The following ANKRD13A variants were observed in gnomAD, a reference collection of about 807,000 sequenced individuals.
ANKRD13A encodes the protein ankyrin repeat domain-containing protein 13A.
ANKRD13A carries 48 observed loss-of-function variants against 81.3 expected under a neutral mutation model. That is an observed-to-expected ratio of 0.59 (90% confidence interval 0.47 to 0.75). ANKRD13A has a LOEUF of 0.75. Among genes scored for constraint, ANKRD13A ranks in the 30% least tolerant of loss-of-function variants. The probability of loss-of-function intolerance (pLI) is 0.00; values close to 1 mark genes in which losing one functional copy is unlikely to be tolerated. For synonymous variants in ANKRD13A, 230 were observed against 270.1 expected, an observed-to-expected ratio of 0.85 and a Z score of 1.45; for missense variants, 612 against 734.0, an observed-to-expected ratio of 0.83 and a Z score of 1.92.
rs142207086 is a variant in ANKRD13A, at chr12:110,005,968, C to T, written c.97-6037C>T. Among the ~76,000 whole-genome samples, 141 of 152,200 alleles carry T rather than the reference C, an allele frequency of 9.3e-4. 3 individuals are homozygous for T. The highest frequency in any genetic ancestry group is 3.3e-3 in the African/African-American group (138 of 41,508). On this transcript the variant is annotated intron_variant, in intron 1 of 14. Coordinates refer to ENST00000261739, the MANE Select transcript of ANKRD13A (RefSeq NM_033121.2). ...AGTAGCTGGGATTACAGGTGTGCAC[C>T]ACCACGCCTGGCTAATTTTTGTATT...
intron 6 of ANKRD13A, chr12:110,021,224 G>T: frequency 2.2e-6 from 1 of 445,142 alleles, no homozygotes; most frequent in Non-Finnish European, 4.5e-6. Context: ...TGTGCTTGTC[G>T]TGCATTGAGC....
At position 110,038,554 on chromosome 12, in the gene ANKRD13A, G is replaced by A. The variant is rs1213122485; in HGVS notation, c.*1000G>A. The A allele has an allele frequency of 4.6e-5, 7 of 152,562 alleles. No individual in the cohort carries two copies. The highest frequency in any genetic ancestry group is 3.9e-4 in the Admixed American group (6 of 15,260). The allele number at this position is 152,562 out of a possible 1,614,324, so 9.5% of individuals were successfully genotyped here. On this transcript the variant is annotated 3_prime_UTR_variant, in exon 15 of 15. Transcript: ENST00000261739. The stretch of plus-strand genomic sequence containing the variant: ...AACCAGAAAGGGAGCTGAAAACCAC[G>A]GAGCTCCATGGCTCTTCATTCAAAA...
chr12:110,014,299 C>T (rs564049195), intron 3 of ANKRD13A, among the ~76,000 whole-genome samples: 2 of 152,210 alleles, frequency 1.3e-5, no homozygotes, highest in Non-Finnish European at 2.9e-5. Context: ...GTAGTCCCAG[C>T]TACTCAGGAG....
rs188583359 is a variant in ANKRD13A at position 110,015,076 on chromosome 12, G to T, written c.355-1312G>T. 2.0e-3 allele frequency among the ~76,000 whole-genome samples: 299 copies of T among 152,186 alleles called. 4 individuals carry two copies. The highest frequency in any genetic ancestry group is 9.9e-4 in the Non-Finnish European group (67 of 68,004). On this transcript the variant is annotated intron_variant, in intron 3 of 14. Transcript: ENST00000261739. The stretch of plus-strand genomic sequence containing the variant: ...CAGGCGTGAGCCAGTGCGCCCGGCC[G>T]CATTTCTCTTCTTGAAGGGTAACTT...
chr12:110,015,065 T>C (rs1890723909), intron 3 of ANKRD13A, among the ~76,000 whole-genome samples: 1 of 152,062 alleles, frequency 6.6e-6, no homozygotes, highest in South Asian at 2.1e-4. Context: ...CGTGAGCCAG[T>C]GCGCCCGGCC....
chr12:110,037,660 A>T lies in ANKRD13A; in HGVS notation c.*106A>T. The T allele has an allele frequency of 8.7e-7, 1 of 1,148,502 alleles. No homozygotes were observed. Among genetic ancestry groups the T allele is most frequent in the Non-Finnish European group, 1.2e-6 (1 of 825,774 alleles). The allele number at this position is 1,148,502 out of a possible 1,614,324, so 71.1% of individuals were successfully genotyped here. The stretch of plus-strand genomic sequence containing the variant: ...AAGGGCCTGCACCTTGCGTGCATGC[A>T]GCAGGCAACAACTGCCCCTTCTTTA... On this transcript the variant is annotated 3_prime_UTR_variant, in exon 15 of 15. Coordinates refer to ENST00000261739, the MANE Select transcript of ANKRD13A (RefSeq NM_033121.2).
At chr12:110,000,918 C>T (rs1035769772) in intron 1 of ANKRD13A, among the ~76,000 whole-genome samples, 36 of 151,624 alleles carry the variant, frequency 2.4e-4, no homozygotes, top group Non-Finnish European at 4.3e-4. Context: ...CCACCACGCC[C>T]GGCTAATTTT....
At chr12:110,035,107 T>C (rs1891947211) in intron 13 of ANKRD13A, among the ~76,000 whole-genome samples, 1 of 152,202 alleles carries the variant, frequency 6.6e-6, no homozygotes, top group Non-Finnish European at 1.5e-5. Flanking sequence ...AGCAAGCATG[T>C]TCCCTTTGGG....
Position 109,999,867 on chromosome 12 carries a change from G to A in ANKRD13A, c.96+83G>A. ...TTTCGCCTCCCTGAGCCCATTTCCA[G>A]CCCTCTGTCCCCGGGATCCCCAGAC... On this transcript the variant is annotated intron_variant, in intron 1 of 14. Transcript: ENST00000261739. This position sits in a 1 kb window ranked among gnomAD's most constrained non-coding sequence, Gnocchi z 4.3. 2 of 1,276,774 alleles carry A rather than the reference G, an allele frequency of 1.6e-6. No homozygotes were observed. The highest frequency in any genetic ancestry group is 2.1e-6 in the Non-Finnish European group (2 of 945,752). 79.1% of individuals were successfully genotyped at this position (1,276,774 alleles called of 1,614,324 possible). A position where few individuals can be genotyped will look rare whatever the true frequency, so the allele number is the denominator to read the frequency against.
At chr12:110,008,390 A>C (rs1032953483) in intron 1 of ANKRD13A, among the ~76,000 whole-genome samples, 1 of 152,188 alleles carries the variant, frequency 6.6e-6, no homozygotes, top group Non-Finnish European at 1.5e-5. Flanking sequence ...ATGTTGCTGA[A>C]TTTAGTTTGC....
At position 110,027,748 on chromosome 12, in the gene ANKRD13A, C is replaced by T. The variant is rs750162015; in HGVS notation, c.927C>T (p.His309=). The change falls in exon 9 of 15, where the codon CAC becomes CAT. Residue 309 remains histidine (H), a synonymous_variant. Transcript: ENST00000261739. ...AATCTTTGCTGGGAACTGTGGAACA[C>T]CAATTTGGTGCACAAGGGGTAAGTT... ...PLESLLGTVE[H]QFGAQGDLTT... 7 of 1,614,016 alleles carry T rather than the reference C, an allele frequency of 4.3e-6. No homozygotes were observed. The highest frequency in any genetic ancestry group is 1.3e-5 in the African/African-American group (1 of 74,920).
Position 110,019,239 on chromosome 12 carries a change from G to C in ANKRD13A, c.645G>C (p.Leu215Phe), listed in dbSNP as rs756549114. ...AAATGGAGCGCCTCACTCTGGACTTGATGAAGCCAAAAAGCAGGGAAGTTG... is the reference window on the plus strand; with the variant it reads ...AAATGGAGCGCCTCACTCTGGACTTCATGAAGCCAAAAAGCAGGGAAGTTG... ...SQEMERLTLD[L>F]MKPKSREVER... Residue 215 changes from leucine to phenylalanine, a missense_variant, in exon 6 of 15, where the codon TTG becomes TTC. Leu to Phe is a conservative substitution (Grantham distance 22). Transcript: ENST00000261739. 2 of 1,614,074 alleles carry C rather than the reference G, an allele frequency of 1.2e-6. No homozygotes were observed. The highest frequency in any genetic ancestry group is 4.5e-5 in the East Asian group (2 of 44,882).
chr12:110,010,232 A>G (rs1036405586), intron 1 of ANKRD13A, among the ~76,000 whole-genome samples: 1 of 152,194 alleles, frequency 6.6e-6, no homozygotes, highest in Non-Finnish European at 1.5e-5. Context: ...TGTAGTAAGT[A>G]GTTTCCCCTT....
chr12:110,030,314 G>A (rs761091080), intron 11 of ANKRD13A, among the ~76,000 whole-genome samples: 17 of 152,132 alleles, frequency 1.1e-4, no homozygotes, highest in Non-Finnish European at 2.2e-4. Flanking sequence ...TTATAGGCAT[G>A]CATCACCACG....
chr12:110,027,474 C>T, intron 8 of ANKRD13A: 1 of 488,788 alleles, frequency 2.0e-6, no homozygotes, highest in East Asian at 3.6e-5. Flanking sequence ...CCAGACTCTT[C>T]CCATTATTCT....
chr12:110,031,716 A>G (rs1298295184), intron 12 of ANKRD13A, among the ~76,000 whole-genome samples: 1 of 152,012 alleles, frequency 6.6e-6, no homozygotes. Flanking sequence ...ATGCCCCCAA[A>G]TTTCCTTACA....
chr12:110,005,290 C>G (rs948519052), intron 1 of ANKRD13A, among the ~76,000 whole-genome samples: 3 of 152,152 alleles, frequency 2.0e-5, no homozygotes, highest in African/African-American at 7.2e-5. Flanking sequence ...TGCAAGCAAG[C>G]ACTACCACGC....
In ANKRD13A at chr12:110,013,178, C is replaced by T; in HGVS notation, c.283C>T (p.Gln95Ter). The change falls in exon 3 of 15, where the codon CAA becomes TAA. Residue 95 changes from glutamine to a stop codon, truncating the protein, a stop_gained. Coordinates refer to ENST00000261739, the MANE Select transcript of ANKRD13A (RefSeq NM_033121.2). LOFTEE classifies it high-confidence loss of function. ...TCCTGAGATGGTGTACACAGTTCTCCAACATCGAGACTACCACAACACATC... is the reference window on the plus strand; with the variant it reads ...TCCTGAGATGGTGTACACAGTTCTCTAACATCGAGACTACCACAACACATC... Reference protein sequence around the residue: ...GDPEMVYTVLQHRDYHNTSMA... With the variant: ...GDPEMVYTVL 1 of 1,614,158 alleles carries T rather than the reference C, an allele frequency of 6.2e-7. No homozygotes were observed. The highest frequency in any genetic ancestry group is 8.5e-7 in the Non-Finnish European group (1 of 1,180,026).
Position 110,038,431 on chromosome 12 carries a change from A to T in ANKRD13A, c.*877A>T, listed in dbSNP as rs1224344314. On this transcript the variant is annotated 3_prime_UTR_variant, in exon 15 of 15. Transcript: ENST00000261739. ...ATATTGGAACACACAGAACCAAACC[A>T]GGTGTGTTCTACACCTGCATGAGTG... 1 of 152,536 alleles carries T rather than the reference A, an allele frequency of 6.6e-6. No individual in the cohort carries two copies. The highest frequency in any genetic ancestry group is 1.5e-5 in the Non-Finnish European group (1 of 68,028). The allele number at this position is 152,536 out of a possible 1,614,324, so 9.4% of individuals were successfully genotyped here. A position where few individuals can be genotyped will look rare whatever the true frequency, so the allele number is the denominator to read the frequency against.
Sources: gnomAD v4.1 joint callset for allele counts (sites outside exome capture counted in the v4.1 genomes callset) on GRCh38, gnomAD v4.1.1 for gene constraint, Gnocchi (gnomAD v3.1) non-coding constraint, MANE v1.5 for transcripts, NCBI Gene and HGNC (gene_info 2026-07-23, HGNC 2026-07-21) for gene names.